The following CASZ1 variants were observed in gnomAD, a reference collection of about 807,000 sequenced individuals.
CASZ1 encodes castor zinc finger 1, also known as zinc finger protein castor homolog 1.
CASZ1 carries 28 observed loss-of-function variants against 135.2 expected under a neutral mutation model. The ratio of observed to expected loss-of-function variants is 0.21; its 90% confidence interval spans 0.15 to 0.28. The LOEUF is 0.28. Among genes scored for constraint, CASZ1 ranks in the 10% least tolerant of loss-of-function variants. CASZ1 has a pLI of 1.00. For synonymous variants in CASZ1, 1,068 were observed against 1,073.4 expected (o/e 0.99, Z 0.10); for missense variants, 2,161 against 2,453.3 (o/e 0.88, Z 2.52).
chr1:10,748,321 T>C (rs751447007), intron 2 of CASZ1, among the ~76,000 whole-genome samples: 2 of 152,132 alleles, frequency 1.3e-5, no homozygotes, highest in Non-Finnish European at 2.9e-5. Flanking sequence ...ATATACCGTG[T>C]TCTTCACCCA....
rs1378828153 is a variant in CASZ1 at position 10,741,096 on chromosome 1, G to A, written c.-77+19605C>T. Among the ~76,000 whole-genome samples the A allele has an allele frequency of 6.6e-6, 1 of 151,328 alleles. No individual in the cohort carries two copies. Among genetic ancestry groups the A allele is most frequent in the Non-Finnish European group, 1.5e-5 (1 of 67,980 alleles). ...CAACCTCCGTTTCCTGGGTTCAAGTGATTCTCCTGCCTCAGCCTCCCAAGC... is the reference window on the plus strand; with the variant it reads ...CAACCTCCGTTTCCTGGGTTCAAGTAATTCTCCTGCCTCAGCCTCCCAAGC... On this transcript the variant is annotated intron_variant, in intron 2 of 20. Coordinates refer to ENST00000377022, the MANE Select transcript of CASZ1 (RefSeq NM_001079843.3). The surrounding 1 kb of genome is among the most constrained non-coding windows in gnomAD (Gnocchi z 5.0).
intron 4 of CASZ1, among the ~76,000 whole-genome samples, chr1:10,668,301 G>A (rs1439550964): frequency 2.0e-5 from 3 of 152,190 alleles, no homozygotes; most frequent in Admixed American, 2.0e-4. Flanking sequence ...ACATTCCTCT[G>A]ACTTTCTTCC....
At position 10,693,929 on chromosome 1, in the gene CASZ1, C is replaced by G. The variant is rs375457931; in HGVS notation, c.-23-17G>C. 4.3e-6 allele frequency: 7 copies of G among 1,611,570 alleles called. No individual in the cohort carries two copies. In the African/African-American group the frequency reaches 8.0e-5, roughly 18 times the overall value. On this transcript the variant is annotated splice_polypyrimidine_tract_variant and intron_variant, in intron 3 of 20. Transcript: ENST00000377022. ...TCCCAAACTCTTCGCAGAACGCCAC[C>G]AGGGGAAGACCGGGAGAGAAGAAAC...
chr1:10,693,328 A>G (rs1638824487), intron 4 of CASZ1, among the ~76,000 whole-genome samples: 1 of 151,972 alleles, frequency 6.6e-6, no homozygotes, highest in South Asian at 2.1e-4. Context: ...ATCATCCGAC[A>G]CAGCCTTGTC....
rs888697553 is a variant in CASZ1 at position 10,647,595 on chromosome 1, G to A, written c.3497+206C>T. On this transcript the variant is annotated intron_variant, in intron 16 of 20. Transcript: ENST00000377022. The surrounding 1 kb of genome is among the most constrained non-coding windows in gnomAD (Gnocchi z 4.9). The stretch of plus-strand genomic sequence containing the variant: ...GCCACTGCCGCCACCATCGGCCCAC[G>A]CGGGCTGGCCTGCTCTGGGACAGGC... 1.3e-5 allele frequency: 19 copies of A among 1,430,020 alleles called. No homozygotes were observed. The highest frequency in any genetic ancestry group is 2.8e-5 in the Admixed American group (1 of 36,120). The allele number at this position is 1,430,020 out of a possible 1,614,324, so 88.6% of individuals were successfully genotyped here.
chr1:10,662,037 C>T (rs1570435457), intron 5 of CASZ1, among the ~76,000 whole-genome samples: 1 of 151,122 alleles, frequency 6.6e-6, no homozygotes, highest in East Asian at 1.9e-4. Flanking sequence ...CACTCTCACA[C>T]ACCCACATTC....
chr1:10,643,505 A>T (rs1570398057), intron 18 of CASZ1, among the ~76,000 whole-genome samples, 194 bp from the exon 19 acceptor site: 1 of 152,218 alleles, frequency 6.6e-6, no homozygotes, highest in Admixed American at 6.5e-5. Context: ...GGCTGTCCAA[A>T]CCCTGGGCCT....
chr1:10,779,446 G>A (rs1380442196), intron 1 of CASZ1, among the ~76,000 whole-genome samples: 6 of 152,170 alleles, frequency 3.9e-5, no homozygotes, highest in South Asian at 2.1e-4. Context: ...AGCGCCCTGC[G>A]GGGGCCGTGG....
In CASZ1 at chr1:10,638,728, G is replaced by T; in HGVS notation, c.*214C>A. 1 of 267,232 alleles carries T rather than the reference G, an allele frequency of 3.7e-6. No individual in the cohort carries two copies. Among genetic ancestry groups the T allele is most frequent in the Non-Finnish European group, 5.8e-6 (1 of 173,362 alleles). The allele number at this position is 267,232 out of a possible 1,614,324, so 16.6% of individuals were successfully genotyped here. On this transcript the variant is annotated 3_prime_UTR_variant, in exon 21 of 21. Coordinates refer to ENST00000377022, the MANE Select transcript of CASZ1 (RefSeq NM_001079843.3). This position sits in a 1 kb window ranked among gnomAD's most constrained non-coding sequence, Gnocchi z 5.9. Reference sequence around the variant, plus strand: ...GGACAAGAGCACCTTCTGTTTCCCTGAAGAGACCCGGCCTCCCTAGAGCAG... The same window carrying T: ...GGACAAGAGCACCTTCTGTTTCCCTTAAGAGACCCGGCCTCCCTAGAGCAG...
intron 9 of CASZ1, 23 bp from the exon 10 acceptor site, chr1:10,654,614 C>T: frequency 6.2e-7 from 1 of 1,608,378 alleles, no homozygotes; most frequent in Non-Finnish European, 8.5e-7. Flanking sequence ...GGATGGTGGT[C>T]AGGCGAACGG....
At chr1:10,672,038 C>T (rs971721640) in intron 4 of CASZ1, among the ~76,000 whole-genome samples, 17 of 152,172 alleles carry the variant, frequency 1.1e-4, no homozygotes, top group Non-Finnish European at 2.5e-4. Flanking sequence ...GTCCCAGAGA[C>T]GGACATGGGC....
At chr1:10,672,107 G>A (rs1488640778) in intron 4 of CASZ1, among the ~76,000 whole-genome samples, 1 of 152,186 alleles carries the variant, frequency 6.6e-6, no homozygotes, top group Non-Finnish European at 1.5e-5. Flanking sequence ...TTGCCCGAGA[G>A]GCCTCCCCGG....
chr1:10,780,793 G>A (rs957337295), intron 1 of CASZ1, among the ~76,000 whole-genome samples: 1 of 152,160 alleles, frequency 6.6e-6, no homozygotes, highest in African/African-American at 2.4e-5. Context: ...TTAATGAGCT[G>A]AGTGAACTCA....
In CASZ1 at chr1:10,639,154, CG is replaced by C; in HGVS notation, c.5067del (p.Glu1690LysfsTer153). 1 of 1,079,928 alleles carries C rather than the reference CG, an allele frequency of 9.3e-7. No individual in the cohort carries two copies. The allele number at this position is 1,079,928 out of a possible 1,614,324, so 66.9% of individuals were successfully genotyped here. ...TCGTCGTCCTCGTCCTCGTCGTCTT[CG>C]GCCTCCTCCTCCGGCAGCTCCAGCT... The part of the protein sequence containing the change: ...EEELELPEEE[A>X]EDDEDEDDDE... On this transcript the variant is annotated frameshift_variant, in exon 21 of 21. Coordinates refer to ENST00000377022, the MANE Select transcript of CASZ1 (RefSeq NM_001079843.3). LOFTEE classifies it high-confidence loss of function. This position sits in a 1 kb window ranked among gnomAD's most constrained non-coding sequence, Gnocchi z 4.0.
intron 4 of CASZ1, among the ~76,000 whole-genome samples, chr1:10,668,229 G>T (rs1209239810): frequency 1.3e-5 from 2 of 152,114 alleles, no homozygotes; most frequent in Non-Finnish European, 2.9e-5. Context: ...AGGGCCCTGG[G>T]ATCCATAGAC....
chr1:10,697,925 C>T lies in CASZ1; in HGVS notation c.-23-4013G>A, dbSNP rs754004333. Among the ~76,000 whole-genome samples, 1 of 152,192 alleles carries T rather than the reference C, an allele frequency of 6.6e-6. No homozygotes were observed. The highest frequency in any genetic ancestry group is 2.1e-4 in the South Asian group (1 of 4,832). On this transcript the variant is annotated intron_variant, in intron 3 of 20. Transcript: ENST00000377022. This position sits in a 1 kb window ranked among gnomAD's most constrained non-coding sequence, Gnocchi z 4.7. ...TCCGGGGCCGATGGAGGGAGGGTGT[C>T]GGGAAAGCTGTGAGCCAGCGAAGTG...
intron 7 of CASZ1, among the ~76,000 whole-genome samples, 188 bp from the exon 8 acceptor site, chr1:10,656,924 G>A (rs1642819830): frequency 6.6e-6 from 1 of 152,302 alleles, no homozygotes; most frequent in Non-Finnish European, 1.5e-5. Flanking sequence ...AAGAGGCCTG[G>A]CCCCAAGAAA....
intron 2 of CASZ1, among the ~76,000 whole-genome samples, chr1:10,732,096 G>A (rs1456705524): frequency 2.6e-5 from 4 of 151,944 alleles, no homozygotes; most frequent in East Asian, 3.9e-4. Context: ...AGGGTGAGGC[G>A]GGAGGGTCAC....
intron 4 of CASZ1, among the ~76,000 whole-genome samples, chr1:10,671,313 T>TGCATGCCTGTGCGC (rs1643390604): frequency 6.6e-6 from 1 of 152,218 alleles, no homozygotes; most frequent in African/African-American, 2.4e-5. Flanking sequence ...ACAGACCGCG[T>TGCATGCCTGTGCGC]GCATGCCTGT....
Sources: gnomAD v4.1 joint callset for allele counts (sites outside exome capture counted in the v4.1 genomes callset) on GRCh38, gnomAD v4.1.1 for gene constraint, Gnocchi (gnomAD v3.1) non-coding constraint, MANE v1.5 for transcripts, NCBI Gene and HGNC (gene_info 2026-07-23, HGNC 2026-07-21) for gene names.